SLC35F3: variants seen among roughly 807,000 people sequenced by gnomAD.
SLC35F3 encodes solute carrier family 35 member F3.
SLC35F3 carries 25 observed loss-of-function variants against 49.9 expected under a neutral mutation model. That is an observed-to-expected ratio of 0.50 (90% CI 0.37 to 0.70). The LOEUF is 0.70. Among genes scored for constraint, SLC35F3 ranks in the 30% least tolerant of loss-of-function variants. The pLI, the probability that SLC35F3 is intolerant of heterozygous loss-of-function variation, is 0.00. For missense variants in SLC35F3, 525 were observed against 639.8 expected, an observed-to-expected ratio of 0.82 and a Z score of 1.94; for synonymous variants, 275 against 265.4, an observed-to-expected ratio of 1.04 and a Z score of -0.35.
In SLC35F3 at chr1:234,058,328, A is replaced by ATTTTTTTTTTTTTTTT. The variant is rs56960667; in HGVS notation, c.283+152585_283+152600dup. Among the ~76,000 whole-genome samples the ATTTTTTTTTTTTTTTT allele has an allele frequency of 4.8e-4, 19 of 39,796 alleles. 6 individuals are homozygous for ATTTTTTTTTTTTTTTT. The highest frequency in any genetic ancestry group is 2.1e-3 in the African/African-American group (15 of 7,286). 26.1% of individuals were successfully genotyped at this position (39,796 alleles called of 152,430 possible). ...TAATTGTCTTTATAAATGTTCCTGA[A>ATTTTTTTTTTTTTTTT]TTTTTTTTTTTTTTTTTTTTTTTTT... On this transcript the variant is annotated intron_variant, in intron 2 of 7. Coordinates refer to ENST00000366618, the MANE Select transcript of SLC35F3 (RefSeq NM_173508.4).
At chr1:234,113,394 T>A (rs533932117) in intron 2 of SLC35F3, among the ~76,000 whole-genome samples, 6 of 152,352 alleles carry the variant, frequency 3.9e-5, no homozygotes, top group African/African-American at 1.4e-4. Flanking sequence ...CTAATACTTA[T>A]TTTCTCTTGA....
chr1:234,205,468 A>C (rs1434905527), intron 2 of SLC35F3, among the ~76,000 whole-genome samples: 1 of 152,234 alleles, frequency 6.6e-6, no homozygotes, highest in Non-Finnish European at 1.5e-5. Flanking sequence ...CTCAAAGCAG[A>C]GACAATGCCT....
chr1:234,206,774 A>AC (rs1385849585), intron 2 of SLC35F3, among the ~76,000 whole-genome samples: 1 of 151,974 alleles, frequency 6.6e-6, no homozygotes, highest in Non-Finnish European at 1.5e-5. Flanking sequence ...TGCGTAGGAG[A>AC]CCCCTATCTC....
intron 2 of SLC35F3, among the ~76,000 whole-genome samples, chr1:234,030,781 T>C (rs937596062): frequency 2.0e-4 from 30 of 152,218 alleles, no homozygotes; most frequent in Admixed American, 3.3e-4. Context: ...TATAACATCA[T>C]GTATCAATCC....
chr1:234,319,808 C>A (rs1387385662), intron 6 of SLC35F3, among the ~76,000 whole-genome samples: 1 of 152,210 alleles, frequency 6.6e-6, no homozygotes, highest in Non-Finnish European at 1.5e-5. Flanking sequence ...CAGAGAAAAG[C>A]AAAATTGGTA....
At chr1:233,983,872 T>C (rs1212090756) in intron 2 of SLC35F3, among the ~76,000 whole-genome samples, 1 of 152,230 alleles carries the variant, frequency 6.6e-6, no homozygotes, top group Non-Finnish European at 1.5e-5. Flanking sequence ...CCTTTGGATT[T>C]GGAATCAGTG....
chr1:233,909,545 T>C (rs1412444698), intron 2 of SLC35F3, among the ~76,000 whole-genome samples: 5 of 152,246 alleles, frequency 3.3e-5, no homozygotes, highest in African/African-American at 1.2e-4. Context: ...TATGTGGAAT[T>C]GCTCTACTCT....
chr1:234,015,448 C>A (rs543866485), intron 2 of SLC35F3, among the ~76,000 whole-genome samples: 1 of 151,772 alleles, frequency 6.6e-6, no homozygotes, highest in Admixed American at 6.5e-5. Context: ...GTGATACTGG[C>A]ATAAAAATAG....
Position 234,055,509 on chromosome 1 carries a change from C to T in SLC35F3, c.283+149751C>T, listed in dbSNP as rs151021042. Among the ~76,000 whole-genome samples the T allele has an allele frequency of 9.0e-3, 1,368 of 152,328 alleles. 8 individuals are homozygous for T. The highest frequency in any genetic ancestry group is 0.015 in the Non-Finnish European group (1,014 of 68,028). On this transcript the variant is annotated intron_variant, in intron 2 of 7. Coordinates refer to ENST00000366618, the MANE Select transcript of SLC35F3 (RefSeq NM_173508.4). ...CCATTTGCTAAGACCATTGGAAAAG[C>T]GCAGGATTAGGGTGGGAGTTTCCCG...
At chr1:234,113,990 G>A (rs1002337375) in intron 2 of SLC35F3, among the ~76,000 whole-genome samples, 6 of 152,156 alleles carry the variant, frequency 3.9e-5, no homozygotes, top group African/African-American at 1.4e-4. Flanking sequence ...TTTAACAATC[G>A]GCTCTCCAGG....
At chr1:234,121,770 G>A (rs1368075826) in intron 2 of SLC35F3, among the ~76,000 whole-genome samples, 2 of 152,128 alleles carry the variant, frequency 1.3e-5, no homozygotes, top group African/African-American at 4.8e-5. Context: ...GTGTCCAGGT[G>A]TTCTCATTGT....
chr1:234,096,007 C>T (rs1665111603), intron 2 of SLC35F3, among the ~76,000 whole-genome samples: 1 of 152,152 alleles, frequency 6.6e-6, no homozygotes. Flanking sequence ...GCTTCCATTT[C>T]TTCTTTGTTT....
chr1:234,271,039 G>T lies in SLC35F3; in HGVS notation c.609-38062G>T, dbSNP rs138510880. Among the ~76,000 whole-genome samples the T allele has an allele frequency of 2.2e-4, 33 of 152,300 alleles. No individual in the cohort carries two copies. In the East Asian group the frequency reaches 6.4e-3, roughly 29 times the overall value. ...CAACAGCAGAATAATTTGATTGTAG[G>T]CAATAGCCTAAGTGTGCATTTCTTG... On this transcript the variant is annotated intron_variant, in intron 3 of 7. Transcript: ENST00000366618.
intron 2 of SLC35F3, among the ~76,000 whole-genome samples, chr1:234,008,577 GT>G (rs1663666416): frequency 6.6e-6 from 1 of 152,146 alleles, no homozygotes; most frequent in African/African-American, 2.4e-5. Context: ...ATGCTGAAGT[GT>G]TTTACTCATC....
Position 234,260,957 on chromosome 1 carries a change from C to G in SLC35F3, c.608+29216C>G, listed in dbSNP as rs139009591. 3.7e-3 allele frequency among the ~76,000 whole-genome samples: 556 copies of G among 152,260 alleles called. 20 individuals carry two copies. In the South Asian group the frequency reaches 0.06, roughly 16 times the overall value. On this transcript the variant is annotated intron_variant, in intron 3 of 7. Transcript: ENST00000366618. ...AGTTAAACATCAAAACAGGTATGAG[C>G]AACTTATGTTTTCTGCTTCACATGA...
intron 2 of SLC35F3, among the ~76,000 whole-genome samples, chr1:234,057,158 A>G (rs191330443): frequency 7.2e-4 from 110 of 152,298 alleles, no homozygotes; most frequent in African/African-American, 2.4e-3. Context: ...TTGTAATTCC[A>G]TATGAATTTT....
At chr1:234,156,786 G>T (rs1666158475) in intron 2 of SLC35F3, among the ~76,000 whole-genome samples, 1 of 152,070 alleles carries the variant, frequency 6.6e-6, no homozygotes, top group Non-Finnish European at 1.5e-5. Context: ...GTAATAAAAA[G>T]AAATGAAGTA....
intron 2 of SLC35F3, among the ~76,000 whole-genome samples, chr1:234,042,317 A>T (rs571427200): frequency 6.6e-6 from 1 of 152,206 alleles, no homozygotes; most frequent in Non-Finnish European, 1.5e-5. Flanking sequence ...ATACATTCTG[A>T]TGATATGGTA....
chr1:233,914,847 A>G (rs1162890400), intron 2 of SLC35F3, among the ~76,000 whole-genome samples: 1 of 152,174 alleles, frequency 6.6e-6, no homozygotes, highest in African/African-American at 2.4e-5. Flanking sequence ...TTGTTTCATT[A>G]TCTTACTGCA....
Sources: allele counts gnomAD v4.1 joint callset (sites outside exome capture counted in the v4.1 genomes callset), GRCh38; gene constraint gnomAD v4.1.1; transcripts MANE v1.5; gene names NCBI Gene and HGNC (gene_info 2026-07-23, HGNC 2026-07-21).